The following DSEL variants were observed in gnomAD, a reference collection of about 807,000 sequenced individuals.
DSEL encodes the protein dermatan sulfate epimerase like.
A neutral mutation model predicts 96.6 loss-of-function variants in DSEL; 61 were observed. The ratio of observed to expected loss-of-function variants is 0.63; its 90% CI spans 0.51 to 0.78. DSEL has a LOEUF of 0.78. Ranked by LOEUF, DSEL falls within the 30% of genes least tolerant of loss-of-function variation. The pLI is 0.00. For missense variants in DSEL, 1,320 were observed against 1,430.8 expected, an observed-to-expected ratio of 0.92 and a Z score of 1.25; for synonymous variants, 514 against 502.0, an observed-to-expected ratio of 1.02 and a Z score of -0.32.
Position 67,514,647 on chromosome 18 carries a change from G to C in DSEL, c.-39C>G, listed in dbSNP as rs760392445. 1 of 1,602,998 alleles carries C rather than the reference G, an allele frequency of 6.2e-7. No individual in the cohort carries two copies. Among genetic ancestry groups the C allele is most frequent in the Non-Finnish European group, 8.5e-7 (1 of 1,174,412 alleles). Reference sequence around the variant, plus strand: ...GCTCCTCCCTTAGGCATACATGTCAGATATGATGCTCAATGTGTTTCCCAT... The same window carrying C: ...GCTCCTCCCTTAGGCATACATGTCACATATGATGCTCAATGTGTTTCCCAT... On this transcript the variant is annotated 5_prime_UTR_variant, in exon 2 of 2. In the 5' UTR this introduces an upstream ATG that the reference lacks. Transcript: ENST00000310045.
At position 67,512,809 on chromosome 18, in the gene DSEL, G is replaced by A. The variant is rs754534878; in HGVS notation, c.1800C>T (p.Ala600=). The A allele has an allele frequency of 6.2e-7, 1 of 1,613,862 alleles. No homozygotes were observed. The highest frequency in any genetic ancestry group is 1.7e-5 in the Admixed American group (1 of 60,022). ...QEDSPINSVS[A]FFHNLDIDFK... is the part of the protein sequence containing the mutation. ...AATCAATATCCAAATTATGAAAGAA[G>A]GCACTGACAGAATTTATTGGGGAAT... The change falls in exon 2 of 2, where the codon GCC becomes GCT. Residue 600 remains alanine, a synonymous_variant. Coordinates refer to ENST00000310045, the MANE Select transcript of DSEL (RefSeq NM_032160.3).
At position 67,507,486 on chromosome 18, in the gene DSEL, A is replaced by C. The variant is rs2089416965; in HGVS notation, c.*3484T>G. 1.3e-5 allele frequency: 2 copies of C among 152,222 alleles called. No individual in the cohort carries two copies. The highest frequency in any genetic ancestry group is 2.9e-5 in the Non-Finnish European group (2 of 68,038). The allele number at this position is 152,222 out of a possible 1,614,324, so 9.4% of individuals were successfully genotyped here. ...TTTCTGATCAAAGTTAATCAAGCCA[A>C]ACAAAGCAATTCAAAAATTATCATT... On this transcript the variant is annotated 3_prime_UTR_variant, in exon 2 of 2. Transcript: ENST00000310045.
Position 67,510,861 on chromosome 18 carries a change from C to T in DSEL, c.*109G>A, listed in dbSNP as rs1387683730. Reference sequence around the variant, plus strand: ...GTGCAAACAACACTGAACACATACACGCGTGCACACACACACACACACTAA... The same window carrying T: ...GTGCAAACAACACTGAACACATACATGCGTGCACACACACACACACACTAA... On this transcript the variant is annotated 3_prime_UTR_variant, in exon 2 of 2. Coordinates refer to ENST00000310045, the MANE Select transcript of DSEL (RefSeq NM_032160.3). The T allele has an allele frequency of 8.8e-6, 7 of 794,196 alleles. No homozygotes were observed. The highest frequency in any genetic ancestry group is 9.5e-6 in the Non-Finnish European group (5 of 528,604). The allele number at this position is 794,196 out of a possible 1,614,324, so 49.2% of individuals were successfully genotyped here.
In DSEL at chr18:67,511,354, C is replaced by T. The variant is rs753295138; in HGVS notation, c.3255G>A (p.Arg1085=). The change falls in exon 2 of 2, where the codon AGG becomes AGA. Residue 1085 remains arginine (R), a synonymous_variant. Transcript: ENST00000310045. ...SGYAFEYEPL[R]KELSKSKSNA... ...TTGATTTGGATTTTGATAATTCTTTCCTCAATGGTTCATACTCGAAAGCAT... is the reference window on the plus strand; with the variant it reads ...TTGATTTGGATTTTGATAATTCTTTTCTCAATGGTTCATACTCGAAAGCAT... 6 of 1,604,154 alleles carry T rather than the reference C, an allele frequency of 3.7e-6. No homozygotes were observed. In the Admixed American group the frequency reaches 1.0e-4, roughly 27 times the overall value.
In DSEL at chr18:67,514,662, G is replaced by A; in HGVS notation, c.-54C>T. 7 of 1,587,454 alleles carry A rather than the reference G, an allele frequency of 4.4e-6. No individual in the cohort carries two copies. The highest frequency in any genetic ancestry group is 6.0e-6 in the Non-Finnish European group (7 of 1,164,946). ...ATACATGTCAGATATGATGCTCAAT[G>A]TGTTTCCCATCTGGTTAGTATAAAA... On this transcript the variant is annotated 5_prime_UTR_variant, in exon 2 of 2. Coordinates refer to ENST00000310045, the MANE Select transcript of DSEL (RefSeq NM_032160.3).
At position 67,513,217 on chromosome 18, in the gene DSEL, G is replaced by C. The variant is rs1387020761; in HGVS notation, c.1392C>G (p.Asn464Lys). ...TCTGATCTGGATGCTCATGTCCTGG[G>C]TTAAAACTTCTCCACCCATCAATCC... ...YSWIDGWRSF[N>K]PGHEHPDQNS... The change falls in exon 2 of 2, where the codon AAC becomes AAG. Residue 464 changes from asparagine to lysine, a missense_variant. Physicochemically the swap from Asn to Lys is moderately conservative, Grantham distance 94 (BLOSUM62 0). Coordinates refer to ENST00000310045, the MANE Select transcript of DSEL (RefSeq NM_032160.3). 3.1e-6 allele frequency: 5 copies of C among 1,614,030 alleles called. No individual in the cohort carries two copies. The Middle Eastern group carries it at 4.9e-4, about 159-fold the overall frequency.
In DSEL at chr18:67,513,358, C is replaced by T; in HGVS notation, c.1251G>A (p.Val417=). 6.2e-7 allele frequency: 1 copy of T among 1,614,134 alleles called. No individual in the cohort carries two copies. Among genetic ancestry groups the T allele is most frequent in the Non-Finnish European group, 8.5e-7 (1 of 1,180,024 alleles). ...AKIHTFPNWG[V]VTYGAGLPNT... ...TTGGCAACCCAGCCCCATAAGTAAC[C>T]ACACCCCAGTTAGGGAATGTGTGTA... The change falls in exon 2 of 2, where the codon GTG becomes GTA. Residue 417 remains valine (V), a synonymous_variant. Transcript: ENST00000310045.
In DSEL at chr18:67,513,490, C is replaced by T. The variant is rs1194935162; in HGVS notation, c.1119G>A (p.Pro373=). ...ACCTTTGGGCAGTTGAAGGAACCATCGGTCCATCTTTAGGTCGGTGCTTTC... is the reference window on the plus strand; with the variant it reads ...ACCTTTGGGCAGTTGAAGGAACCATTGGTCCATCTTTAGGTCGGTGCTTTC... ...QIRKHRPKDG[P]MVPSTAQRWS... The change falls in exon 2 of 2, where the codon CCG becomes CCA. Residue 373 remains proline, a synonymous_variant. Coordinates refer to ENST00000310045, the MANE Select transcript of DSEL (RefSeq NM_032160.3). 1.5e-5 allele frequency: 25 copies of T among 1,614,070 alleles called. No homozygotes were observed. Among genetic ancestry groups the T allele is most frequent in the East Asian group, 6.7e-5 (3 of 44,890 alleles).
Position 67,514,867 on chromosome 18 carries a change from A to C in DSEL, c.-259T>G. 1 of 481,574 alleles carries C rather than the reference A, an allele frequency of 2.1e-6. No homozygotes were observed. Among genetic ancestry groups the C allele is most frequent in the South Asian group, 5.3e-5 (1 of 18,840 alleles). The allele number at this position is 481,574 out of a possible 1,614,324, so 29.8% of individuals were successfully genotyped here. On this transcript the variant is annotated 5_prime_UTR_variant, in exon 2 of 2. Transcript: ENST00000310045. ...ACTTTGAATAACGTTAAAATCTCTA[A>C]TTTTTCCATAATACACAGGGAAGTG...
In DSEL at chr18:67,511,751, A is replaced by G. The variant is rs2144049571; in HGVS notation, c.2858T>C (p.Met953Thr). The change falls in exon 2 of 2, where the codon ATG (methionine) becomes ACG (threonine). Residue 953 changes from methionine (M) to threonine (T), a missense_variant. Coordinates refer to ENST00000310045, the MANE Select transcript of DSEL (RefSeq NM_032160.3). Reference sequence around the variant, plus strand: ...AAATTTTCTTTTTTTGTCCTTATTCATTGCAAAATATTGGGCCAGTTTACC... The same window carrying G: ...AAATTTTCTTTTTTTGTCCTTATTCGTTGCAAAATATTGGGCCAGTTTACC... The part of the protein sequence containing the change: ...NRGKLAQYFA[M>T]NKDKKRKFKR... 1.9e-6 allele frequency: 3 copies of G among 1,614,034 alleles called. No individual in the cohort carries two copies. The South Asian group carries it at 3.3e-5, about 18-fold the overall frequency.
Position 67,511,345 on chromosome 18 carries a change from T to C in DSEL, c.3264A>G (p.Leu1088=). Residue 1088 remains leucine (L), a synonymous_variant, in exon 2 of 2, where the codon TTA becomes TTG. Transcript: ENST00000310045. ...AFEYEPLRKE[L]SKSKSNAVSL... ...ACACTGCATTTGATTTGGATTTTGA[T>C]AATTCTTTCCTCAATGGTTCATACT... The C allele has an allele frequency of 1.2e-6, 2 of 1,604,826 alleles. No homozygotes were observed. Among genetic ancestry groups the C allele is most frequent in the Non-Finnish European group, 8.5e-7 (1 of 1,179,984 alleles).
In DSEL at chr18:67,513,329, G is replaced by A. The variant is rs750012004; in HGVS notation, c.1280C>T (p.Thr427Ile). Reference protein sequence around the residue: ...VVTYGAGLPNTQTNTFVSFKS... With the variant: ...VVTYGAGLPNIQTNTFVSFKS... ...AAAAGACACAAAGGTGTTGGTCTGTGTGTTTGGCAACCCAGCCCCATAAGT... is the reference window on the plus strand; with the variant it reads ...AAAAGACACAAAGGTGTTGGTCTGTATGTTTGGCAACCCAGCCCCATAAGT... The change falls in exon 2 of 2, where the codon ACA (threonine) becomes ATA (isoleucine). Residue 427 changes from threonine to isoleucine, a missense_variant. This residue lies in a region of DSEL where 986 missense variants were observed against 1,066.4 expected (regional missense o/e 0.92). Transcript: ENST00000310045. 1.2e-6 allele frequency: 2 copies of A among 1,614,202 alleles called. No individual in the cohort carries two copies. The highest frequency in any genetic ancestry group is 1.7e-6 in the Non-Finnish European group (2 of 1,180,046).
rs2089463722 is a variant in DSEL at position 67,514,428 on chromosome 18, G to A, written c.181C>T (p.Leu61Phe). The A allele has an allele frequency of 1.2e-6, 2 of 1,614,070 alleles. No individual in the cohort carries two copies. Among genetic ancestry groups the A allele is most frequent in the Non-Finnish European group, 8.5e-7 (1 of 1,180,022 alleles). The change falls in exon 2 of 2, where the codon CTT (leucine) becomes TTT (phenylalanine). Residue 61 changes from leucine to phenylalanine, a missense_variant. Coordinates refer to ENST00000310045, the MANE Select transcript of DSEL (RefSeq NM_032160.3). The part of the protein sequence containing the change: ...RPNQKLKKSM[L>F]HPSLYFDAGE... Reference sequence around the variant, plus strand: ...GCATCAAAATATAAACTTGGATGAAGCATACTTTTCTTCAGCTTTTGGTTG... The same window carrying A: ...GCATCAAAATATAAACTTGGATGAAACATACTTTTCTTCAGCTTTTGGTTG...
In DSEL at chr18:67,514,240, G is replaced by A. The variant is rs777520027; in HGVS notation, c.369C>T (p.Asn123=). Residue 123 remains asparagine (N), a synonymous_variant, in exon 2 of 2, where the codon AAC becomes AAT. Coordinates refer to ENST00000310045, the MANE Select transcript of DSEL (RefSeq NM_032160.3). ...AGTACAATGCTAAAGGAGGCAGATT[G>A]TTACCATAAATTTCATTCCACTTGG... is the stretch of plus-strand genomic sequence containing the variant. ...FAAKWNEIYG[N]NLPPLALYCL... 3 of 1,614,144 alleles carry A rather than the reference G, an allele frequency of 1.9e-6. No homozygotes were observed. Among genetic ancestry groups the A allele is most frequent in the Non-Finnish European group, 2.5e-6 (3 of 1,180,032 alleles).
chr18:67,515,407 T>A lies in DSEL; in HGVS notation c.-799A>T, dbSNP rs1445266855. On this transcript the variant is annotated 5_prime_UTR_variant, in exon 2 of 2. Coordinates refer to ENST00000310045, the MANE Select transcript of DSEL (RefSeq NM_032160.3). The stretch of plus-strand genomic sequence containing the variant: ...AGTCACCTAGATACTTCTCGTCCGA[T>A]CATGAAGTAACCGCCAACGGGGAAA... 1 of 167,100 alleles carries A rather than the reference T, an allele frequency of 6.0e-6. No homozygotes were observed. Among genetic ancestry groups the A allele is most frequent in the African/African-American group, 2.4e-5 (1 of 41,448 alleles). 10.4% of individuals were successfully genotyped at this position (167,100 alleles called of 1,614,324 possible).
rs1432142511 is a variant in DSEL at position 67,511,844 on chromosome 18, C to G, written c.2765G>C (p.Trp922Ser). ...TGTGTCCTGGACTAAAGACTGCAAC[C>G]AGCCTCGGAGTAAACGAAAATGCCC... ...RSGHFRLLRG[W>S]LQSLVQDTKL... Residue 922 changes from tryptophan to serine, a missense_variant, in exon 2 of 2, where the codon TGG (tryptophan) becomes TCG (serine). Transcript: ENST00000310045. The G allele has an allele frequency of 6.2e-7, 1 of 1,614,144 alleles. No individual in the cohort carries two copies. Among genetic ancestry groups the G allele is most frequent in the Non-Finnish European group, 8.5e-7 (1 of 1,180,036 alleles).
In DSEL at chr18:67,506,637, G is replaced by C. The variant is rs192033566; in HGVS notation, c.*4333C>G. ...TTAACAGGAGTCTTATTACACATAG[G>C]TCTGATAAAACTGGTTTATGATCTT... On this transcript the variant is annotated 3_prime_UTR_variant, in exon 2 of 2. Coordinates refer to ENST00000310045, the MANE Select transcript of DSEL (RefSeq NM_032160.3). 1 of 151,974 alleles carries C rather than the reference G, an allele frequency of 6.6e-6. No homozygotes were observed. Among genetic ancestry groups the C allele is most frequent in the African/African-American group, 2.4e-5 (1 of 41,426 alleles). 9.4% of individuals were successfully genotyped at this position (151,974 alleles called of 1,614,324 possible).
rs758041141 is a variant in DSEL at position 67,516,279 on chromosome 18, GCC to G, written c.-885+80_-885+81del. The G allele has an allele frequency of 1.3e-5, 2 of 152,674 alleles. No individual in the cohort carries two copies. The highest frequency in any genetic ancestry group is 2.9e-5 in the Non-Finnish European group (2 of 68,424). 9.5% of individuals were successfully genotyped at this position (152,674 alleles called of 1,614,324 possible). ...TTTTTCACTGGCGTCCTCCGACCCT[GCC>G]GCCCCCATTCTCCGCTCCCCGCTCT... is the stretch of plus-strand genomic sequence containing the variant. On this transcript the variant is annotated intron_variant, in intron 1 of 1. Coordinates refer to ENST00000310045, the MANE Select transcript of DSEL (RefSeq NM_032160.3). The surrounding 1 kb of genome is among the most constrained non-coding windows in gnomAD (Gnocchi z 5.6).
At position 67,511,567 on chromosome 18, in the gene DSEL, A is replaced by G; in HGVS notation, c.3042T>C (p.His1014=). Residue 1014 remains histidine, a synonymous_variant, in exon 2 of 2, where the codon CAT becomes CAC. Coordinates refer to ENST00000310045, the MANE Select transcript of DSEL (RefSeq NM_032160.3). ...LSSGSWTLKL[H]FFQEVLGASM... is the part of the protein sequence containing the mutation. ...AAGCTCCTAAAACTTCCTGAAAAAA[A>G]TGAAGCTTTAACGTCCAGCTTCCAC... The G allele has an allele frequency of 6.2e-7, 1 of 1,613,066 alleles. No homozygotes were observed. The highest frequency in any genetic ancestry group is 8.5e-7 in the Non-Finnish European group (1 of 1,179,778).
Sources: gnomAD v4.1 joint callset for allele counts on GRCh38, gnomAD v4.1.1 for gene constraint, gnomAD v4.1.1 regional missense constraint, Gnocchi (gnomAD v3.1) non-coding constraint, MANE v1.5 for transcripts, NCBI Gene and HGNC (gene_info 2026-07-23, HGNC 2026-07-21) for gene names.